CBLB: variants seen among roughly 807,000 people sequenced by gnomAD.
The protein encoded by CBLB is E3 ubiquitin-protein ligase CBL-B.
In CBLB, 31 loss-of-function variants were observed where a neutral mutation model predicts 104.9. The ratio of observed to expected loss-of-function variants is 0.30; its 90% CI spans 0.22 to 0.40. CBLB has a LOEUF of 0.40. Ranked by LOEUF, CBLB falls within the 10% of genes least tolerant of loss-of-function variation. The probability of loss-of-function intolerance (pLI) is 1.00; values close to 1 mark genes in which losing one functional copy is unlikely to be tolerated. For synonymous variants in CBLB, 440 were observed against 422.6 expected, an observed-to-expected ratio of 1.04 and a Z score of -0.51; for missense variants, 1,062 against 1,214.6, an observed-to-expected ratio of 0.87 and a Z score of 1.87.
chr3:105,746,317 C>T (rs1042445187), intron 5 of CBLB, among the ~76,000 whole-genome samples: 3 of 152,192 alleles, frequency 2.0e-5, no homozygotes, highest in African/African-American at 7.2e-5. Flanking sequence ...AGCCTATTCT[C>T]GCTACGGCAC....
chr3:105,784,931 A>C (rs1184432688), intron 3 of CBLB, among the ~76,000 whole-genome samples: 1 of 152,188 alleles, frequency 6.6e-6, no homozygotes, highest in African/African-American at 2.4e-5. Context: ...ACTCTGATAC[A>C]ATGTTTCTAT....
At chr3:105,713,532 G>C (rs2071407347) in intron 10 of CBLB, among the ~76,000 whole-genome samples, 1 of 152,142 alleles carries the variant, frequency 6.6e-6, no homozygotes. Flanking sequence ...AAAACTTTTA[G>C]AGTTCAAGTG....
At chr3:105,746,422 G>A (rs1249316487) in intron 5 of CBLB, among the ~76,000 whole-genome samples, 1 of 152,116 alleles carries the variant, frequency 6.6e-6, no homozygotes, top group Non-Finnish European at 1.5e-5. Flanking sequence ...CACTTAGAAG[G>A]ACTTTACAAG....
intron 9 of CBLB, among the ~76,000 whole-genome samples, chr3:105,721,943 G>T (rs1406711899): frequency 1.3e-5 from 2 of 152,032 alleles, no homozygotes; most frequent in African/African-American, 2.4e-5. Flanking sequence ...TACTTTTACA[G>T]ATTTACATAA....
Position 105,776,400 on chromosome 3 carries a change from C to G in CBLB, c.562G>C (p.Asp188His). 1 of 1,613,340 alleles carries G rather than the reference C, an allele frequency of 6.2e-7. No individual in the cohort carries two copies. Residue 188 changes from aspartate (D) to histidine (H), a missense_variant, in exon 4 of 19, where the codon GAC (aspartate) becomes CAC (histidine). Physicochemically the swap from Asp to His is moderately conservative, Grantham distance 81. Transcript: ENST00000394030. ...AAEFWRKFFG[D>H]KTIVPWKVFR... is the part of the protein sequence containing the mutation. ...ATAAAAATGATTTTTACTTACTTGT[C>G]TCCAAAAAACTTTCTCCAGAATTCA... is the stretch of plus-strand genomic sequence containing the variant.
At chr3:105,783,823 G>A (rs2080603198) in intron 3 of CBLB, among the ~76,000 whole-genome samples, 1 of 152,146 alleles carries the variant, frequency 6.6e-6, no homozygotes, top group Non-Finnish European at 1.5e-5. Flanking sequence ...GCCAGGAATT[G>A]GACAGTTTGA....
intron 4 of CBLB, among the ~76,000 whole-genome samples, chr3:105,752,679 T>C (rs912380106): frequency 6.6e-5 from 10 of 152,220 alleles, no homozygotes; most frequent in African/African-American, 2.4e-4. Context: ...ATCAATCCTC[T>C]TCAATGAGAT....
At chr3:105,753,285 G>A (rs2076751247) in intron 4 of CBLB, among the ~76,000 whole-genome samples, 1 of 151,970 alleles carries the variant, frequency 6.6e-6, no homozygotes, top group Admixed American at 6.6e-5. Flanking sequence ...GGAAACCACA[G>A]AGAACTGAGG....
chr3:105,818,999 T>C (rs1193142827), intron 3 of CBLB, among the ~76,000 whole-genome samples: 1 of 152,242 alleles, frequency 6.6e-6, no homozygotes, highest in African/African-American at 2.4e-5. Context: ...TCTGTGAATC[T>C]GCAAATAGAA....
At chr3:105,847,784 T>C (rs1258874517) in intron 3 of CBLB, among the ~76,000 whole-genome samples, 1 of 152,100 alleles carries the variant, frequency 6.6e-6, no homozygotes, top group Non-Finnish European at 1.5e-5. Context: ...AGCTGATTAA[T>C]ACACACTTTT....
Position 105,776,238 on chromosome 3 carries a change from G to A in CBLB, c.566+158C>T, listed in dbSNP as rs542272035. On this transcript the variant is annotated intron_variant, in intron 4 of 18. Coordinates refer to ENST00000394030, the MANE Select transcript of CBLB (RefSeq NM_170662.5). ...ATTGCATTATTGAGGCATACCTTTG[G>A]TGACTATAAAAATTACCAATCAATC... 1.7e-4 allele frequency among the ~76,000 whole-genome samples: 20 copies of A among 117,438 alleles called. No homozygotes were observed. In the South Asian group the frequency reaches 6.0e-3, roughly 35 times the overall value. The allele number at this position is 117,438 out of a possible 152,430, so 77.0% of individuals were successfully genotyped here.
intron 4 of CBLB, among the ~76,000 whole-genome samples, chr3:105,760,517 T>C (rs1293258248): frequency 1.3e-5 from 2 of 151,796 alleles, no homozygotes; most frequent in Admixed American, 1.3e-4. Context: ...TCAGATTAAA[T>C]AAAATAAAAA....
At chr3:105,868,554 T>C in intron 1 of CBLB, 182 bp downstream of exon 1, 1 of 346,230 alleles carries the variant, frequency 2.9e-6, no homozygotes, top group Non-Finnish European at 4.6e-6. Context: ...GGACGCCCTC[T>C]CCCTCCTCCC....
chr3:105,858,321 T>G (rs1487566916), intron 2 of CBLB, among the ~76,000 whole-genome samples: 1 of 152,132 alleles, frequency 6.6e-6, no homozygotes, highest in Non-Finnish European at 1.5e-5. Flanking sequence ...CAAATTCAAT[T>G]CCATTCAATA....
chr3:105,803,244 T>C (rs1227059667), intron 3 of CBLB, among the ~76,000 whole-genome samples: 1 of 152,246 alleles, frequency 6.6e-6, no homozygotes. Context: ...AGAATAATTA[T>C]GGAACTTCTA....
At chr3:105,707,913 A>G (rs1414869901) in intron 10 of CBLB, among the ~76,000 whole-genome samples, 2 of 152,118 alleles carry the variant, frequency 1.3e-5, no homozygotes, top group Admixed American at 6.6e-5. Context: ...TTTCTCCTTT[A>G]AAAGACAATG....
intron 9 of CBLB, among the ~76,000 whole-genome samples, chr3:105,726,784 T>C (rs550641866): frequency 2.6e-5 from 4 of 152,290 alleles, no homozygotes; most frequent in East Asian, 3.9e-4. Flanking sequence ...CTTCCACTTA[T>C]GAGTGAGAAC....
intron 3 of CBLB, among the ~76,000 whole-genome samples, chr3:105,805,302 A>ATTTTTTTT (rs1221623767): frequency 7.2e-6 from 1 of 138,612 alleles, no homozygotes; most frequent in African/African-American, 2.7e-5. Flanking sequence ...ATGGCCCCCA[A>ATTTTTTTT]TTTTTTTTTT....
At chr3:105,688,500 T>G (rs939638392) in intron 13 of CBLB, among the ~76,000 whole-genome samples, 2 of 152,096 alleles carry the variant, frequency 1.3e-5, no homozygotes, top group East Asian at 1.9e-4. Context: ...ATGCTATGCT[T>G]AATTAGTAAG....
Sources: allele counts gnomAD v4.1 joint callset (sites outside exome capture counted in the v4.1 genomes callset), GRCh38; gene constraint gnomAD v4.1.1; transcripts MANE v1.5; gene names NCBI Gene and HGNC (gene_info 2026-07-23, HGNC 2026-07-21).